The following ERC2 variants were observed in gnomAD, a reference collection of about 807,000 sequenced individuals.
The protein encoded by ERC2 is ELKS/RAB6-interacting/CAST family member 2.
ERC2 carries 42 observed loss-of-function variants against 114.8 expected under a neutral mutation model. That is an observed-to-expected ratio of 0.37 (90% CI 0.29 to 0.47). ERC2 has a LOEUF of 0.47. ERC2 is among the 20% of genes least tolerant of loss of function. The pLI is 0.99. For missense variants in ERC2, 939 were observed against 1,150.7 expected (o/e 0.82, Z 2.66); for synonymous variants, 454 against 425.5 (o/e 1.07, Z -0.82).
intron 14 of ERC2, among the ~76,000 whole-genome samples, chr3:55,767,420 G>C (rs144633697): frequency 6.6e-6 from 1 of 152,298 alleles, no homozygotes; most frequent in East Asian, 1.9e-4. Flanking sequence ...CGTCTTAACT[G>C]TGGGCCCTTT....
At position 56,425,034 on chromosome 3, in the gene ERC2, G is replaced by A. The variant is rs187599398; in HGVS notation, c.657+9317C>T. ...GCCCTTAAAACATTTGGAGAGCAGA[G>A]GTGAGTAAGGACAGCTCAAGTCAAG... On this transcript the variant is annotated intron_variant, in intron 2 of 17. Transcript: ENST00000288221. Among the ~76,000 whole-genome samples, 5 of 152,244 alleles carry A rather than the reference G, an allele frequency of 3.3e-5. No homozygotes were observed. The East Asian group carries it at 9.6e-4, about 29-fold the overall frequency.
At chr3:55,794,614 A>G (rs950689595) in intron 14 of ERC2, among the ~76,000 whole-genome samples, 1 of 152,194 alleles carries the variant, frequency 6.6e-6, no homozygotes, top group African/African-American at 2.4e-5. Context: ...TAGCTTTCAT[A>G]CCTGTGTGAA....
At chr3:56,373,198 G>C (rs929888260) in intron 2 of ERC2, among the ~76,000 whole-genome samples, 1 of 152,044 alleles carries the variant, frequency 6.6e-6, no homozygotes, top group Non-Finnish European at 1.5e-5. Flanking sequence ...GCATTTTTCA[G>C]TCTCATATTA....
intron 14 of ERC2, among the ~76,000 whole-genome samples, chr3:55,865,788 T>C (rs1211780939): frequency 1.3e-5 from 2 of 152,174 alleles, no homozygotes; most frequent in African/African-American, 4.8e-5. Context: ...CAATACTTCA[T>C]TTCTTTTTAT....
chr3:56,250,554 C>T, intron 3 of ERC2, among the ~76,000 whole-genome samples: 1 of 152,182 alleles, frequency 6.6e-6, no homozygotes, highest in Non-Finnish European at 1.5e-5. Context: ...AAAACTGGAA[C>T]AGAAGAGCAA....
At chr3:56,003,934 T>C (rs962726098) in intron 10 of ERC2, among the ~76,000 whole-genome samples, 1 of 152,062 alleles carries the variant, frequency 6.6e-6, no homozygotes, top group Non-Finnish European at 1.5e-5. Flanking sequence ...TCTAAATACC[T>C]GCACTATTTA....
At chr3:56,280,963 C>T (rs2054298257) in intron 3 of ERC2, among the ~76,000 whole-genome samples, 1 of 152,034 alleles carries the variant, frequency 6.6e-6, no homozygotes, top group African/African-American at 2.4e-5. Context: ...GTGCCCAACA[C>T]AAAGTTAAGT....
At chr3:55,686,787 T>G (rs1576133388) in intron 16 of ERC2, among the ~76,000 whole-genome samples, 1 of 152,244 alleles carries the variant, frequency 6.6e-6, no homozygotes. Flanking sequence ...CTGTTCTGAA[T>G]GCTGCTCGGT....
intron 13 of ERC2, 121 bp downstream of exon 13, chr3:55,950,304 T>C: frequency 1.6e-6 from 2 of 1,262,950 alleles, no homozygotes; most frequent in Non-Finnish European, 1.1e-6. Context: ...CTGTTAGTGC[T>C]AGACTCAGGG....
At chr3:55,961,502 T>A (rs2068361658) in intron 12 of ERC2, among the ~76,000 whole-genome samples, 1 of 152,196 alleles carries the variant, frequency 6.6e-6, no homozygotes, top group African/African-American at 2.4e-5. Context: ...TCTTCCTTGT[T>A]CTGCTATAGG....
chr3:56,030,170 C>T (rs2074294177), intron 7 of ERC2, among the ~76,000 whole-genome samples: 1 of 152,124 alleles, frequency 6.6e-6, no homozygotes, highest in Admixed American at 6.5e-5. Context: ...GATCATAGAA[C>T]ATACCTTATA....
intron 17 of ERC2, 146 bp downstream of exon 17, chr3:55,683,648 G>C: frequency 3.1e-6 from 2 of 650,022 alleles, no homozygotes; most frequent in Admixed American, 6.0e-5. Flanking sequence ...GAAGGGTCAG[G>C]GCACGCGGAC....
chr3:56,123,796 C>G (rs2079722815), intron 6 of ERC2, among the ~76,000 whole-genome samples: 1 of 152,192 alleles, frequency 6.6e-6, no homozygotes, highest in Admixed American at 6.5e-5. Flanking sequence ...TCTTGACTTC[C>G]TCCCCAACAG....
At chr3:55,742,547 T>C (rs948751789) in intron 14 of ERC2, among the ~76,000 whole-genome samples, 1 of 152,352 alleles carries the variant, frequency 6.6e-6, no homozygotes, top group South Asian at 2.1e-4. Context: ...TAATGACATA[T>C]AAGAGAAAGC....
intron 17 of ERC2, among the ~76,000 whole-genome samples, chr3:55,646,035 A>C (rs1159037907): frequency 6.6e-6 from 1 of 152,212 alleles, no homozygotes; most frequent in Non-Finnish European, 1.5e-5. Flanking sequence ...ACTCTAGTGG[A>C]AAATGAGGCC....
At chr3:55,752,467 C>T (rs544634979) in intron 14 of ERC2, among the ~76,000 whole-genome samples, 34 of 152,190 alleles carry the variant, frequency 2.2e-4, no homozygotes, top group Non-Finnish European at 3.8e-4. Flanking sequence ...GGTTTACCAG[C>T]GCTCTATTGG....
chr3:56,007,153 A>G, intron 10 of ERC2, 28 bp downstream of exon 10: 2 of 1,528,186 alleles, frequency 1.3e-6, no homozygotes, highest in South Asian at 1.2e-5. Context: ...TTAAATAAGC[A>G]TGATTCTTTT....
chr3:55,811,233 G>T (rs918674962), intron 14 of ERC2, among the ~76,000 whole-genome samples: 2 of 152,146 alleles, frequency 1.3e-5, no homozygotes, highest in African/African-American at 4.8e-5. Context: ...AGTATTACTT[G>T]AACTTTTAAG....
intron 3 of ERC2, among the ~76,000 whole-genome samples, chr3:56,176,854 C>T (rs1575696606): frequency 6.6e-6 from 1 of 152,318 alleles, no homozygotes; most frequent in Non-Finnish European, 1.5e-5. Flanking sequence ...ACAACCACTA[C>T]CTAGGTGGGG....
Sources: gnomAD v4.1 joint callset for allele counts (sites outside exome capture counted in the v4.1 genomes callset) on GRCh38, gnomAD v4.1.1 for gene constraint, MANE v1.5 for transcripts, NCBI Gene and HGNC (gene_info 2026-07-23, HGNC 2026-07-21) for gene names.